The following DGKG variants were observed in gnomAD, a reference collection of about 807,000 sequenced individuals.
DGKG encodes the protein diacylglycerol kinase gamma, also known as DAG kinase gamma.
A neutral mutation model predicts 105.3 loss-of-function variants in DGKG; 78 were observed. The ratio of observed to expected loss-of-function variants is 0.74; its 90% CI spans 0.62 to 0.89. The LOEUF (loss-of-function observed/expected upper bound fraction) is 0.89, where lower values mean the gene tolerates loss of function less well. Among genes scored for constraint, DGKG ranks in the 40% least tolerant of loss-of-function variants. The probability of loss-of-function intolerance (pLI) is 0.00; values close to 1 mark genes in which losing one functional copy is unlikely to be tolerated. For missense variants in DGKG, 958 were observed against 1,020.1 expected (o/e 0.94, Z 0.83); for synonymous variants, 346 against 367.1 (o/e 0.94, Z 0.66).
chr3:186,200,450 G>A (rs142828387), intron 21 of DGKG, among the ~76,000 whole-genome samples: 6 of 152,314 alleles, frequency 3.9e-5, no homozygotes, highest in South Asian at 2.1e-4. Flanking sequence ...GTCCAGTAAC[G>A]CAGCAGGCTT....
At chr3:186,329,708 T>A (rs1007113239) in intron 1 of DGKG, among the ~76,000 whole-genome samples, 2 of 152,360 alleles carry the variant, frequency 1.3e-5, no homozygotes, top group East Asian at 3.9e-4. Context: ...TGGCTTTAAC[T>A]CCTACTGTTC....
intron 23 of DGKG, among the ~76,000 whole-genome samples, chr3:186,163,455 T>G (rs1454021950): frequency 6.6e-6 from 1 of 152,180 alleles, no homozygotes; most frequent in Non-Finnish European, 1.5e-5. Flanking sequence ...CCCATTGACA[T>G]AGAAGCCCTC....
At chr3:186,233,357 A>G (rs1231330783) in intron 20 of DGKG, among the ~76,000 whole-genome samples, 1 of 152,220 alleles carries the variant, frequency 6.6e-6, no homozygotes, top group Admixed American at 6.5e-5. Flanking sequence ...GCAAGGAAAC[A>G]GCTTTTCCCC....
At chr3:186,266,725 G>A (rs1722072467) in intron 13 of DGKG, among the ~76,000 whole-genome samples, 1 of 152,124 alleles carries the variant, frequency 6.6e-6, no homozygotes. Context: ...AGCCTCCCCA[G>A]TAGCTGGGAT....
intron 9 of DGKG, among the ~76,000 whole-genome samples, chr3:186,277,275 TC>T (rs1304962141): frequency 1.3e-5 from 2 of 152,258 alleles, no homozygotes; most frequent in Non-Finnish European, 2.9e-5. Flanking sequence ...AAATTCTTAT[TC>T]CATTCCAGAT....
At chr3:186,306,824 C>A (rs1578809547) in intron 3 of DGKG, 77 bp downstream of exon 3, 1 of 1,023,988 alleles carries the variant, frequency 9.8e-7, no homozygotes, top group East Asian at 2.4e-5. Context: ...CAAGCGGAGT[C>A]TCCAAGAGGG....
At chr3:186,237,912 T>C (rs1400786290) in intron 20 of DGKG, among the ~76,000 whole-genome samples, 2 of 152,216 alleles carry the variant, frequency 1.3e-5, no homozygotes, top group African/African-American at 4.8e-5. Flanking sequence ...TTAAAGACCC[T>C]AGTTCACCAC....
chr3:186,191,269 T>C (rs1717894396), intron 21 of DGKG, among the ~76,000 whole-genome samples: 1 of 152,232 alleles, frequency 6.6e-6, no homozygotes, highest in African/African-American at 2.4e-5. Flanking sequence ...AATATCTGTG[T>C]GCAAAGCCTA....
chr3:186,149,980 G>A lies in DGKG; in HGVS notation c.*110C>T. ...TTGCTTCCACTGGTTAGAGAAGAGT[G>A]TGTATGTGTGTGTGTGTGTGCATGT... On this transcript the variant is annotated 3_prime_UTR_variant, in exon 25 of 25. Coordinates refer to ENST00000265022, the MANE Select transcript of DGKG (RefSeq NM_001346.3). 1 of 1,472,278 alleles carries A rather than the reference G, an allele frequency of 6.8e-7. No homozygotes were observed. Among genetic ancestry groups the A allele is most frequent in the Non-Finnish European group, 9.0e-7 (1 of 1,115,040 alleles). The allele number at this position is 1,472,278 out of a possible 1,614,324, so 91.2% of individuals were successfully genotyped here.
Position 186,284,271 on chromosome 3 carries a change from C to A in DGKG, c.594+389G>T, listed in dbSNP as rs1722957515. ...TTCCTTGCACATCAACAGTAACCAG[C>A]AGCCTCCTTCCTCGTGCCCTTTTCC... On this transcript the variant is annotated intron_variant, in intron 7 of 24. Transcript: ENST00000265022. This position sits in a 1 kb window ranked among gnomAD's most constrained non-coding sequence, Gnocchi z 4.0. 6.6e-6 allele frequency among the ~76,000 whole-genome samples: 1 copy of A among 152,188 alleles called. No homozygotes were observed. The highest frequency in any genetic ancestry group is 6.5e-5 in the Admixed American group (1 of 15,286).
rs564910934 is a variant in DGKG at position 186,203,402 on chromosome 3, C to CT, written c.1917+8392dup. Among the ~76,000 whole-genome samples, 77 of 152,296 alleles carry CT rather than the reference C, an allele frequency of 5.1e-4. No individual in the cohort carries two copies. Among genetic ancestry groups the CT allele is most frequent in the African/African-American group, 1.6e-3 (65 of 41,568 alleles). ...GGTTGGTGGGATTGGGGGTTATTTT[C>CT]TTTTTTGCCCCTCTGTATTTTAAAA... On this transcript the variant is annotated intron_variant, in intron 21 of 24. Transcript: ENST00000265022. This position sits in a 1 kb window ranked among gnomAD's most constrained non-coding sequence, Gnocchi z 4.9.
At chr3:186,336,831 G>A (rs933467954) in intron 1 of DGKG, among the ~76,000 whole-genome samples, 10 of 152,092 alleles carry the variant, frequency 6.6e-5, no homozygotes, top group African/African-American at 2.4e-4. Context: ...TAACGTAAGA[G>A]ATTTTATTAA....
intron 22 of DGKG, among the ~76,000 whole-genome samples, chr3:186,183,937 C>T (rs1209663810): frequency 1.3e-5 from 2 of 152,178 alleles, no homozygotes; most frequent in African/African-American, 2.4e-5. Flanking sequence ...CTCCCAACTT[C>T]AGGTGATCCA....
intron 3 of DGKG, among the ~76,000 whole-genome samples, chr3:186,303,623 A>G (rs543605377): frequency 1.0e-3 from 157 of 152,324 alleles, no homozygotes; most frequent in Admixed American, 1.7e-3. Flanking sequence ...AGCGTGTGGC[A>G]GAGCTGGGCT....
chr3:186,270,369 A>G (rs1224471167), intron 11 of DGKG, among the ~76,000 whole-genome samples: 1 of 152,204 alleles, frequency 6.6e-6, no homozygotes, highest in Non-Finnish European at 1.5e-5. Context: ...GGCTCAAGCT[A>G]TTGGCCCTTG....
chr3:186,301,812 T>C (rs1302939708), intron 3 of DGKG, among the ~76,000 whole-genome samples: 2 of 152,244 alleles, frequency 1.3e-5, no homozygotes, highest in Non-Finnish European at 2.9e-5. Flanking sequence ...GACCATCCTG[T>C]GTACTCTCCT....
At chr3:186,298,338 G>A in intron 3 of DGKG, 109 bp from the exon 4 acceptor site, 1 of 1,074,802 alleles carries the variant, frequency 9.3e-7, no homozygotes, top group Non-Finnish European at 1.3e-6. Flanking sequence ...TGGAAAGGGA[G>A]GCAGTAGGAC....
chr3:186,161,479 T>C, intron 24 of DGKG, 124 bp downstream of exon 24: 1 of 1,503,846 alleles, frequency 6.6e-7, no homozygotes, highest in South Asian at 1.3e-5. Flanking sequence ...GAAGAGGGGT[T>C]GCACTAGATA....
At chr3:186,205,955 T>C (rs1379496913) in intron 21 of DGKG, among the ~76,000 whole-genome samples, 2 of 152,168 alleles carry the variant, frequency 1.3e-5, no homozygotes, top group South Asian at 2.1e-4. Flanking sequence ...TCCCAAAATA[T>C]ACTGGATAAC....
Sources: gnomAD v4.1 joint callset for allele counts (sites outside exome capture counted in the v4.1 genomes callset) on GRCh38, gnomAD v4.1.1 for gene constraint, Gnocchi (gnomAD v3.1) non-coding constraint, MANE v1.5 for transcripts, NCBI Gene and HGNC (gene_info 2026-07-23, HGNC 2026-07-21) for gene names.